ANXA10: variants seen among roughly 807,000 people sequenced by gnomAD.
The protein encoded by ANXA10 is annexin A10, also known as annexin 14.
In ANXA10, 49 loss-of-function variants were observed where a neutral mutation model predicts 53.5. The ratio of observed to expected loss-of-function variants is 0.92; its 90% CI spans 0.73 to 1.16. The LOEUF (loss-of-function observed/expected upper bound fraction) is 1.16. Ranked by LOEUF, ANXA10 falls within the 50% of genes most tolerant of loss-of-function variation. The pLI, the probability that ANXA10 is intolerant of heterozygous loss-of-function variation, is 0.00. For missense variants in ANXA10, 393 were observed against 394.4 expected (o/e 1.00, Z 0.03); for synonymous variants, 131 against 128.9 (o/e 1.02, Z -0.11).
intron 1 of ANXA10, among the ~76,000 whole-genome samples, chr4:168,127,451 G>C (rs773496863): frequency 6.6e-6 from 1 of 152,166 alleles, no homozygotes; most frequent in Admixed American, 6.5e-5. Flanking sequence ...AAAAGCTGTA[G>C]TAGCAGGTAC....
At chr4:168,149,741 A>C (rs1181798706) in intron 3 of ANXA10, among the ~76,000 whole-genome samples, 1 of 152,206 alleles carries the variant, frequency 6.6e-6, no homozygotes, top group Non-Finnish European at 1.5e-5. Context: ...ATAAATTTGA[A>C]CTTCAAGCCT....
At chr4:168,101,489 G>T in intron 1 of ANXA10, among the ~76,000 whole-genome samples, 1 of 131,564 alleles carries the variant, frequency 7.6e-6, no homozygotes, top group Admixed American at 7.9e-5. Flanking sequence ...TCTTTTCTTT[G>T]TGTTTTTTTT....
At chr4:168,178,669 C>G (rs1732181383) in intron 8 of ANXA10, among the ~76,000 whole-genome samples, 1 of 152,072 alleles carries the variant, frequency 6.6e-6, no homozygotes, top group Non-Finnish European at 1.5e-5. Context: ...CTAAAGTTGC[C>G]TGGGGTAGTC....
intron 3 of ANXA10, among the ~76,000 whole-genome samples, chr4:168,159,887 A>C (rs62336240): frequency 0.089 from 13,612 of 152,234 alleles, 735 homozygotes; most frequent in Non-Finnish European, 0.13. Flanking sequence ...TCAATGTGGA[A>C]TCTTTTACTT....
In ANXA10 at chr4:168,164,270, C is replaced by T. The variant is rs776258002; in HGVS notation, c.382C>T (p.Arg128Ter). The part of the protein sequence containing the change: ...SRTNGEIFQM[R>*]EAYCLQYSNN... ...AACAAATGGAGAAATTTTCCAGATG[C>T]GAGAAGCCTACTGCTTGCGTAAGGA... Residue 128 changes from arginine (R) to a stop codon, truncating the protein, a stop_gained, in exon 5 of 12, where the codon CGA becomes TGA. Coordinates refer to ENST00000359299, the MANE Select transcript of ANXA10 (RefSeq NM_007193.5). LOFTEE classifies it high-confidence loss of function. 4.3e-6 allele frequency: 7 copies of T among 1,611,506 alleles called. No individual in the cohort carries two copies. The highest frequency in any genetic ancestry group is 4.5e-5 in the East Asian group (2 of 44,828).
At chr4:168,106,307 T>C (rs780112041) in intron 1 of ANXA10, among the ~76,000 whole-genome samples, 9 of 152,104 alleles carry the variant, frequency 5.9e-5, no homozygotes, top group Non-Finnish European at 1.0e-4. Context: ...TTCTATAGTA[T>C]AATGTGTGGG....
intron 3 of ANXA10, among the ~76,000 whole-genome samples, chr4:168,152,846 A>G (rs1359792865): frequency 2.0e-5 from 3 of 150,052 alleles, no homozygotes; most frequent in East Asian, 1.9e-4. Context: ...TATAAACAAT[A>G]TATCTATTGT....
At chr4:168,146,528 T>C (rs565509715) in intron 3 of ANXA10, among the ~76,000 whole-genome samples, 1 of 152,314 alleles carries the variant, frequency 6.6e-6, no homozygotes, top group Non-Finnish European at 1.5e-5. Context: ...GGTGGTAACC[T>C]TGGCGTCAGA....
At position 168,177,919 on chromosome 4, in the gene ANXA10, G is replaced by C; in HGVS notation, c.564G>C (p.Thr188=). The change falls in exon 8 of 12, where the codon ACG becomes ACC. Residue 188 remains threonine, a synonymous_variant. Transcript: ENST00000359299. ...TATGGGAAGCCTGTCAGCAGAAGACGGGGGAGCACAAAACCATGCTGCAAA... is the reference window on the plus strand; with the variant it reads ...TATGGGAAGCCTGTCAGCAGAAGACCGGGGAGCACAAAACCATGCTGCAAA... ...MVLWEACQQK[T]GEHKTMLQMI... 1 of 1,614,004 alleles carries C rather than the reference G, an allele frequency of 6.2e-7. No individual in the cohort carries two copies. Among genetic ancestry groups the C allele is most frequent in the Non-Finnish European group, 8.5e-7 (1 of 1,180,022 alleles).
intron 2 of ANXA10, 47 bp from the exon 3 acceptor site, chr4:168,139,439 C>T: frequency 6.5e-7 from 1 of 1,527,766 alleles, no homozygotes; most frequent in Non-Finnish European, 9.0e-7. Flanking sequence ...TTCTTCCCAA[C>T]TACAAAGTAG....
intron 1 of ANXA10, chr4:168,127,800 GA>G: frequency 2.2e-6 from 1 of 455,652 alleles, no homozygotes; most frequent in Non-Finnish European, 3.9e-6. Context: ...CATTTGTCTG[GA>G]AAACAATGTT....
At chr4:168,096,693 C>A (rs1299748257) in intron 1 of ANXA10, among the ~76,000 whole-genome samples, 2 of 151,540 alleles carry the variant, frequency 1.3e-5, no homozygotes, top group African/African-American at 2.4e-5. Flanking sequence ...GATAACAGCA[C>A]CTATCTTATA....
rs1902134 is a variant in ANXA10 at position 168,173,362 on chromosome 4, T to G, written c.481-4378T>G. Among the ~76,000 whole-genome samples the G allele has an allele frequency of 8.1e-3, 1,228 of 152,342 alleles. 3 individuals are homozygous for G. The highest frequency in any genetic ancestry group is 0.044 in the Middle Eastern group (13 of 294). On this transcript the variant is annotated intron_variant, in intron 6 of 11. Coordinates refer to ENST00000359299, the MANE Select transcript of ANXA10 (RefSeq NM_007193.5). The stretch of plus-strand genomic sequence containing the variant: ...CACGTGGTAAGATTATGTCAAATCC[T>G]GAAGCCATTTTAAGGACTTTGGCTT...
At position 168,183,290 on chromosome 4, in the gene ANXA10, C is replaced by T. The variant is rs1732298243; in HGVS notation, c.784-1269C>T. Among the ~76,000 whole-genome samples, 3 of 152,082 alleles carry T rather than the reference C, an allele frequency of 2.0e-5. No individual in the cohort carries two copies. The South Asian group carries it at 6.2e-4, about 32-fold the overall frequency. On this transcript the variant is annotated intron_variant, in intron 10 of 11. Coordinates refer to ENST00000359299, the MANE Select transcript of ANXA10 (RefSeq NM_007193.5). Reference sequence around the variant, plus strand: ...ATGCAAAGGAAGAACCTGGATAACCCCAGAACACAAAAGGAAGATCAATGC... The same window carrying T: ...ATGCAAAGGAAGAACCTGGATAACCTCAGAACACAAAAGGAAGATCAATGC...
chr4:168,185,260 T>C (rs548353314), intron 11 of ANXA10, among the ~76,000 whole-genome samples: 1 of 152,352 alleles, frequency 6.6e-6, no homozygotes, highest in South Asian at 2.1e-4. Context: ...TGCAAAATAT[T>C]CATTCTCTAT....
intron 3 of ANXA10, among the ~76,000 whole-genome samples, chr4:168,153,532 A>C (rs1731542391): frequency 1.3e-5 from 2 of 151,764 alleles, no homozygotes; most frequent in South Asian, 2.1e-4. Context: ...AGGTTGCAAA[A>C]AATACGGGAA....
At chr4:168,156,277 A>ATAATGTAT (rs1185325390) in intron 3 of ANXA10, among the ~76,000 whole-genome samples, 232 of 27,880 alleles carry the variant, frequency 8.3e-3, no homozygotes, top group Non-Finnish European at 0.014. Context: ...TATTATATAT[A>ATAATGTAT]ATAGTATATA....
At chr4:168,170,101 T>G (rs1731955506) in intron 6 of ANXA10, among the ~76,000 whole-genome samples, 1 of 152,216 alleles carries the variant, frequency 6.6e-6, no homozygotes, top group Non-Finnish European at 1.5e-5. Flanking sequence ...TGATAGGGTG[T>G]GTACATGAGT....
chr4:168,162,833 G>A (rs1364762783), intron 4 of ANXA10, among the ~76,000 whole-genome samples, 192 bp downstream of exon 4: 1 of 152,174 alleles, frequency 6.6e-6, no homozygotes, highest in African/African-American at 2.4e-5. Flanking sequence ...AGCCTCCTGG[G>A]CTGAGTGGCT....
Sources: allele counts gnomAD v4.1 joint callset (sites outside exome capture counted in the v4.1 genomes callset), GRCh38; gene constraint gnomAD v4.1.1; transcripts MANE v1.5; gene names NCBI Gene and HGNC (gene_info 2026-07-23, HGNC 2026-07-21).